The following TENM2 variants were observed in gnomAD, a reference collection of about 807,000 sequenced individuals.
The protein encoded by TENM2 is teneurin-2.
A neutral mutation model predicts 245.2 loss-of-function variants in TENM2; 52 were observed. The observed-to-expected ratio is 0.21, with a 90% CI of 0.17 to 0.27. TENM2 has a LOEUF of 0.27. TENM2 is among the 10% of genes least tolerant of loss of function. TENM2 has a pLI of 1.00. For missense variants in TENM2, 3,046 were observed against 3,666.8 expected (o/e 0.83, Z 4.37); for synonymous variants, 1,363 against 1,438.9 (o/e 0.95, Z 1.19).
chr5:167,141,457 T>C, the TENM2 span, among the ~76,000 whole-genome samples: 1 of 152,322 alleles, frequency 6.6e-6, no homozygotes. Flanking sequence ...GCACTGAGTA[T>C]ATTAGCAAAC....
At chr5:167,093,962 C>T in the TENM2 span, among the ~76,000 whole-genome samples, 3 of 152,140 alleles carry the variant, frequency 2.0e-5, 1 homozygote, top group Admixed American at 2.0e-4. Flanking sequence ...GGGAAATGCC[C>T]TCCGCCATCT....
rs148014878 is a variant in TENM2, at chr5:167,720,922, G to A, written c.503-155064G>A. The stretch of plus-strand genomic sequence containing the variant: ...CTGGAATGAACTCTATGCAGAAGAC[G>A]AAGTTGGGTGGGTGTTGTGCTGGAA... On this transcript the variant is annotated intron_variant, in intron 2 of 28. Coordinates refer to ENST00000518659, the Ensembl canonical transcript of TENM2. Among the ~76,000 whole-genome samples, 758 of 152,276 alleles carry A rather than the reference G, an allele frequency of 5.0e-3. 6 individuals are homozygous for A. The highest frequency in any genetic ancestry group is 0.017 in the African/African-American group (686 of 41,548).
At chr5:167,185,595 T>C in the TENM2 span, among the ~76,000 whole-genome samples, 1 of 152,098 alleles carries the variant, frequency 6.6e-6, no homozygotes, top group Non-Finnish European at 1.5e-5. Flanking sequence ...TATCATAGAT[T>C]TCAAGTTCTT....
intron 1 of TENM2, among the ~76,000 whole-genome samples, chr5:167,357,300 C>CTTTTTTTTT (rs11442891): frequency 7.1e-6 from 1 of 139,994 alleles, no homozygotes; most frequent in Non-Finnish European, 1.5e-5. Flanking sequence ...GCCATCCTTT[C>CTTTTTTTTT]TTTTTTTTTT....
rs569953694 is a variant in TENM2, at chr5:168,252,834, C to T, written c.7432+4463C>T. On this transcript the variant is annotated intron_variant, in intron 27 of 28. Transcript: ENST00000518659. ...TGCACTCCAGTCTGAGAAACAAGAG[C>T]GAAACTCAGTCTCAAAAAAAAAAAA... Among the ~76,000 whole-genome samples, 13 of 148,068 alleles carry T rather than the reference C, an allele frequency of 8.8e-5. No individual in the cohort carries two copies. The South Asian group carries it at 1.9e-3, about 22-fold the overall frequency.
intron 2 of TENM2, among the ~76,000 whole-genome samples, chr5:167,760,989 C>T (rs1297282902): frequency 6.6e-6 from 1 of 152,060 alleles, no homozygotes; most frequent in Non-Finnish European, 1.5e-5. Context: ...TGTCCATGTC[C>T]TTGCCCAACA....
At chr5:167,365,105 C>T (rs941751198) in intron 1 of TENM2, among the ~76,000 whole-genome samples, 2 of 152,004 alleles carry the variant, frequency 1.3e-5, no homozygotes, top group South Asian at 2.1e-4. Flanking sequence ...AGTTTGTTTT[C>T]TGTCCACCAA....
intron 2 of TENM2, among the ~76,000 whole-genome samples, chr5:167,813,545 A>G (rs1422905446): frequency 1.3e-5 from 2 of 152,124 alleles, no homozygotes; most frequent in African/African-American, 2.4e-5. Flanking sequence ...CAACTGTGGC[A>G]GCATTTTTTT....
chr5:167,667,757 G>C (rs756550264), intron 2 of TENM2, among the ~76,000 whole-genome samples: 1 of 152,164 alleles, frequency 6.6e-6, no homozygotes, highest in Admixed American at 6.5e-5. Flanking sequence ...AGGGCTTCTT[G>C]CTGTTGATTT....
chr5:167,473,648 G>A (rs1327009282), intron 2 of TENM2, among the ~76,000 whole-genome samples: 1 of 152,170 alleles, frequency 6.6e-6, no homozygotes, highest in Non-Finnish European at 1.5e-5. Context: ...TCGTAGAAGT[G>A]TTATTGTAGA....
At chr5:167,055,098 G>A in the TENM2 span, among the ~76,000 whole-genome samples, 13 of 152,062 alleles carry the variant, frequency 8.5e-5, no homozygotes, top group East Asian at 5.8e-4. Flanking sequence ...AAAAGTCATC[G>A]CCATACTCAA....
intron 2 of TENM2, among the ~76,000 whole-genome samples, chr5:167,401,964 ATAT>A (rs1439422890): frequency 7.2e-5 from 11 of 152,300 alleles, no homozygotes; most frequent in Admixed American, 2.0e-4. Context: ...CAACAAATGC[ATAT>A]TTAATGGCCC....
At chr5:167,044,138 G>A in the TENM2 span, among the ~76,000 whole-genome samples, 1 of 152,194 alleles carries the variant, frequency 6.6e-6, no homozygotes, top group African/African-American at 2.4e-5. Flanking sequence ...GCATGAGACT[G>A]GCAGACAGAA....
the TENM2 span, among the ~76,000 whole-genome samples, chr5:167,271,954 A>G: frequency 6.6e-6 from 1 of 152,146 alleles, no homozygotes; most frequent in African/African-American, 2.4e-5. Flanking sequence ...TAGATTTTAA[A>G]CCAGATTTTC....
chr5:167,083,849 A>G, the TENM2 span, among the ~76,000 whole-genome samples: 1 of 152,164 alleles, frequency 6.6e-6, no homozygotes, highest in South Asian at 2.1e-4. Context: ...TGCTATTTTA[A>G]CAGGACATGG....
At chr5:167,191,378 G>C in the TENM2 span, among the ~76,000 whole-genome samples, 2 of 151,972 alleles carry the variant, frequency 1.3e-5, no homozygotes, top group Admixed American at 6.6e-5. Flanking sequence ...AGAAAGCTTT[G>C]TTTAGTATCC....
intron 2 of TENM2, among the ~76,000 whole-genome samples, chr5:167,483,393 AC>A (rs914627052): frequency 2.0e-4 from 30 of 152,354 alleles, no homozygotes; most frequent in African/African-American, 7.0e-4. Flanking sequence ...CCATGCAGAA[AC>A]GCTGATTAAA....
chr5:167,700,949 T>TTAA (rs1758100087), intron 2 of TENM2, among the ~76,000 whole-genome samples: 1 of 79,892 alleles, frequency 1.3e-5, no homozygotes, highest in Non-Finnish European at 2.3e-5. Context: ...TTATATTTCT[T>TTAA]AAAAAAAAAA....
intron 2 of TENM2, among the ~76,000 whole-genome samples, chr5:167,635,237 T>G (rs1438013196): frequency 6.6e-6 from 1 of 152,214 alleles, no homozygotes; most frequent in African/African-American, 2.4e-5. Context: ...CCTTTACAAA[T>G]GGATATGAAT....
Sources: allele counts gnomAD v4.1 joint callset (sites outside exome capture counted in the v4.1 genomes callset), GRCh38; gene constraint gnomAD v4.1.1; transcripts MANE v1.5; gene names NCBI Gene and HGNC (gene_info 2026-07-23, HGNC 2026-07-21).